The following CAMSAP2 variants were observed in gnomAD, a reference collection of about 807,000 sequenced individuals.
CAMSAP2 encodes calmodulin regulated spectrin associated protein family member 2, also known as calmodulin-regulated spectrin-associated protein 2.
In CAMSAP2, 26 loss-of-function variants were observed where a neutral mutation model predicts 146.1. That is an observed-to-expected ratio of 0.18 (90% CI 0.13 to 0.25). The LOEUF (loss-of-function observed/expected upper bound fraction) is 0.25. CAMSAP2 is among the 10% of genes least tolerant of loss of function. The pLI is 1.00. For missense variants in CAMSAP2, 1,381 were observed against 1,759.3 expected, an observed-to-expected ratio of 0.78 and a Z score of 3.85; for synonymous variants, 499 against 596.6, an observed-to-expected ratio of 0.84 and a Z score of 2.38.
At chr1:200,765,305 T>C (rs1208446407) in intron 2 of CAMSAP2, among the ~76,000 whole-genome samples, 2 of 152,026 alleles carry the variant, frequency 1.3e-5, no homozygotes, top group Non-Finnish European at 2.9e-5. Context: ...TTTCAGCTCA[T>C]TGCAACCTCC....
At chr1:200,847,179 T>C (rs746691870) in intron 8 of CAMSAP2, 31 bp from the exon 9 acceptor site, 1 of 1,508,386 alleles carries the variant, frequency 6.6e-7, no homozygotes, top group Non-Finnish European at 9.1e-7. Context: ...ACAGCTAAAA[T>C]ATAACATTTT....
chr1:200,832,936 C>A lies in CAMSAP2; in HGVS notation c.927+91C>A. 1.7e-6 allele frequency: 2 copies of A among 1,149,122 alleles called. No homozygotes were observed. The highest frequency in any genetic ancestry group is 2.4e-6 in the Non-Finnish European group (2 of 841,226). The allele number at this position is 1,149,122 out of a possible 1,614,324, so 71.2% of individuals were successfully genotyped here. ...AAACACCGGGAACAGTGGCTCATGC[C>A]TGTAATCCCAGTACTTTGGGAGGAC... On this transcript the variant is annotated intron_variant, in intron 6 of 16. Transcript: ENST00000358823. The surrounding 1 kb of genome is among the most constrained non-coding windows in gnomAD (Gnocchi z 4.2).
chr1:200,832,153 C>A lies in CAMSAP2; in HGVS notation c.646-47C>A. ...TTACAGTACTGATTTTTTTCCTATG[C>A]GTTATTTGGTACTTATTTATTTTCA... On this transcript the variant is annotated intron_variant, in intron 4 of 16. Transcript: ENST00000358823. The surrounding 1 kb of genome is among the most constrained non-coding windows in gnomAD (Gnocchi z 4.2). 2 of 1,485,438 alleles carry A rather than the reference C, an allele frequency of 1.3e-6. No homozygotes were observed. Among genetic ancestry groups the A allele is most frequent in the South Asian group, 1.3e-5 (1 of 76,734 alleles). The allele number at this position is 1,485,438 out of a possible 1,614,324, so 92.0% of individuals were successfully genotyped here. A position where few individuals can be genotyped will look rare whatever the true frequency, so the allele number is the denominator to read the frequency against.
At chr1:200,753,609 A>C (rs1664569885) in intron 1 of CAMSAP2, among the ~76,000 whole-genome samples, 1 of 152,210 alleles carries the variant, frequency 6.6e-6, no homozygotes, top group African/African-American at 2.4e-5. Context: ...CAAATTACAC[A>C]GAGTCCTGCC....
intron 11 of CAMSAP2, among the ~76,000 whole-genome samples, chr1:200,851,785 A>C (rs1667625174): frequency 6.6e-6 from 1 of 152,174 alleles, no homozygotes; most frequent in African/African-American, 2.4e-5. Flanking sequence ...AGAAATGTTT[A>C]TTGAATTAAG....
At chr1:200,744,032 A>G (rs889198434) in intron 1 of CAMSAP2, among the ~76,000 whole-genome samples, 5 of 152,228 alleles carry the variant, frequency 3.3e-5, no homozygotes, top group African/African-American at 7.2e-5. Flanking sequence ...CACTTTACAC[A>G]TACTGTATCA....
intron 2 of CAMSAP2, among the ~76,000 whole-genome samples, chr1:200,796,771 C>T (rs1390254969): frequency 6.6e-6 from 1 of 151,790 alleles, no homozygotes; most frequent in Admixed American, 6.6e-5. Flanking sequence ...ACTGCACCCA[C>T]TAACTCATCA....
At chr1:200,847,075 A>G in intron 8 of CAMSAP2, 135 bp from the exon 9 acceptor site, 1 of 609,596 alleles carries the variant, frequency 1.6e-6, no homozygotes, top group Non-Finnish European at 2.8e-6. Flanking sequence ...TTTGGTTTAA[A>G]CAATATGTTT....
At chr1:200,814,232 C>G (rs998116352) in intron 3 of CAMSAP2, among the ~76,000 whole-genome samples, 2 of 151,892 alleles carry the variant, frequency 1.3e-5, no homozygotes, top group African/African-American at 4.8e-5. Context: ...TCTTCCCCTC[C>G]CCGAATTGGT....
chr1:200,775,420 A>G lies in CAMSAP2; in HGVS notation c.399+14322A>G, dbSNP rs553379741. On this transcript the variant is annotated intron_variant, in intron 2 of 16. Transcript: ENST00000358823. ...GCAAGGATGTCTCTGGAGGATTTTA[A>G]GGAGGACAATGAGTTGATCTGGTTT... Among the ~76,000 whole-genome samples, 40 of 152,332 alleles carry G rather than the reference A, an allele frequency of 2.6e-4. No homozygotes were observed. In the South Asian group the frequency reaches 7.9e-3, roughly 30 times the overall value.
chr1:200,780,620 C>T (rs900666795), intron 2 of CAMSAP2, among the ~76,000 whole-genome samples: 1 of 152,100 alleles, frequency 6.6e-6, no homozygotes, highest in South Asian at 2.1e-4. Flanking sequence ...CTCTTAGTTC[C>T]ACCTCTAAGG....
intron 2 of CAMSAP2, among the ~76,000 whole-genome samples, chr1:200,780,563 A>G (rs1571746395): frequency 6.6e-6 from 1 of 152,162 alleles, no homozygotes; most frequent in Non-Finnish European, 1.5e-5. Flanking sequence ...TGCTCTGGCC[A>G]TATGTATTTG....
rs1190933667 is a variant in CAMSAP2, at chr1:200,849,431, A to G, written c.2662A>G (p.Asn888Asp). The G allele has an allele frequency of 6.2e-7, 1 of 1,614,238 alleles. No homozygotes were observed. The highest frequency in any genetic ancestry group is 1.7e-5 in the Admixed American group (1 of 60,034). The change falls in exon 11 of 17, where the codon AAT becomes GAT. Residue 888 changes from asparagine (N) to aspartate (D), a missense_variant. By Grantham distance (23) the Asn-to-Asp change is conservative. This residue lies in a region of CAMSAP2 where 560 missense variants were observed against 715.9 expected (regional missense o/e 0.78). Coordinates refer to ENST00000358823, the MANE Select transcript of CAMSAP2 (RefSeq NM_203459.4). The surrounding 1 kb of genome is among the most constrained non-coding windows in gnomAD (Gnocchi z 6.3). ...ATATACCAAATCCATTGAAAAGTTAAATTCATCCCTGCATTTTCTACAACA... is the reference window on the plus strand; with the variant it reads ...ATATACCAAATCCATTGAAAAGTTAGATTCATCCCTGCATTTTCTACAACA... Reference protein sequence around the residue: ...LEYTKSIEKLNSSLHFLQQEM... With the variant: ...LEYTKSIEKLDSSLHFLQQEM...
At chr1:200,791,321 G>A (rs1252219226) in intron 2 of CAMSAP2, among the ~76,000 whole-genome samples, 1 of 151,440 alleles carries the variant, frequency 6.6e-6, no homozygotes, top group Non-Finnish European at 1.5e-5. Flanking sequence ...TTCGGAATTT[G>A]GTTATGGTGT....
chr1:200,776,793 C>G (rs1665293510), intron 2 of CAMSAP2, among the ~76,000 whole-genome samples: 1 of 151,868 alleles, frequency 6.6e-6, no homozygotes, highest in Non-Finnish European at 1.5e-5. Context: ...TTTTATTTTA[C>G]CAAAATTATT....
intron 2 of CAMSAP2, among the ~76,000 whole-genome samples, chr1:200,795,982 A>G (rs1194604796): frequency 6.6e-6 from 1 of 152,218 alleles, no homozygotes; most frequent in Non-Finnish European, 1.5e-5. Context: ...TAAAATAAAA[A>G]TAGCAGTTTT....
chr1:200,811,920 G>A (rs966314076), intron 3 of CAMSAP2, among the ~76,000 whole-genome samples: 9 of 151,858 alleles, frequency 5.9e-5, no homozygotes, highest in African/African-American at 1.2e-4. Context: ...CCTCTGAACC[G>A]TTGAACCTCA....
intron 2 of CAMSAP2, among the ~76,000 whole-genome samples, chr1:200,784,875 G>A (rs1021940837): frequency 6.6e-6 from 1 of 152,160 alleles, no homozygotes; most frequent in Non-Finnish European, 1.5e-5. Context: ...TTATCTGTAG[G>A]ATTTTTGAAG....
chr1:200,820,618 G>T (rs2102189676), intron 4 of CAMSAP2, among the ~76,000 whole-genome samples: 1 of 152,148 alleles, frequency 6.6e-6, no homozygotes, highest in East Asian at 1.9e-4. Context: ...TTTCTCCCTT[G>T]ACTAAAATTC....
Sources: allele counts gnomAD v4.1 joint callset (sites outside exome capture counted in the v4.1 genomes callset), GRCh38; gene constraint gnomAD v4.1.1; regional missense constraint gnomAD v4.1.1; non-coding constraint Gnocchi (gnomAD v3.1); transcripts MANE v1.5; gene names NCBI Gene and HGNC (gene_info 2026-07-23, HGNC 2026-07-21).